Variants in MAF observed in about 807,000 individuals in gnomAD.
MAF encodes the protein transcription factor Maf.
In MAF, 10 loss-of-function variants were observed where a neutral mutation model predicts 22.0. The ratio of observed to expected loss-of-function variants is 0.45; its 90% CI spans 0.28 to 0.77. The LOEUF (loss-of-function observed/expected upper bound fraction) is 0.77. Ranked by LOEUF, MAF falls within the 30% of genes least tolerant of loss-of-function variation. The probability of loss-of-function intolerance (pLI) is 0.12; values close to 1 mark genes in which losing one functional copy is unlikely to be tolerated. For missense variants in MAF, 544 were observed against 548.4 expected, an observed-to-expected ratio of 0.99 and a Z score of 0.08; for synonymous variants, 337 against 255.8, an observed-to-expected ratio of 1.32 and a Z score of -3.03.
chr16:79,246,822 A>G, the MAF span, among the ~76,000 whole-genome samples: 1 of 148,724 alleles, frequency 6.7e-6, no homozygotes, highest in Admixed American at 6.8e-5. Context: ...GTTTGTGTCC[A>G]TCTGTCCATC....
At chr16:79,241,440 T>A in the MAF span, among the ~76,000 whole-genome samples, 2 of 151,960 alleles carry the variant, frequency 1.3e-5, no homozygotes, top group African/African-American at 4.8e-5. Context: ...AGAAAGGATA[T>A]CAGATACTGA....
the MAF span, among the ~76,000 whole-genome samples, chr16:79,220,879 C>G: frequency 9.9e-5 from 15 of 152,188 alleles, no homozygotes; most frequent in African/African-American, 3.1e-4. Flanking sequence ...CCCAGATGAC[C>G]TGCCTGTCTG....
the MAF span, among the ~76,000 whole-genome samples, chr16:79,295,287 G>C: frequency 1.3e-5 from 2 of 152,144 alleles, no homozygotes; most frequent in Non-Finnish European, 2.9e-5. Context: ...GAGTTTAATG[G>C]AGCAATGAAT....
chr16:79,293,852 AGAGAG>A, the MAF span, among the ~76,000 whole-genome samples: 9 of 151,864 alleles, frequency 5.9e-5, no homozygotes, highest in African/African-American at 2.2e-4. Flanking sequence ...AGAGAGAGAG[AGAGAG>A]AGAGAGAGAG....
At chr16:79,372,012 T>C in the MAF span, among the ~76,000 whole-genome samples, 2 of 151,842 alleles carry the variant, frequency 1.3e-5, no homozygotes, top group East Asian at 3.9e-4. Flanking sequence ...GTAAGCCATG[T>C]GGAATCACTG....
chr16:79,210,109 C>T, the MAF span, among the ~76,000 whole-genome samples: 1 of 152,176 alleles, frequency 6.6e-6, no homozygotes, highest in African/African-American at 2.4e-5. Flanking sequence ...ATTATCAAAA[C>T]CCAAGTCTTT....
chr16:79,375,202 G>C, the MAF span, among the ~76,000 whole-genome samples: 1 of 152,228 alleles, frequency 6.6e-6, no homozygotes, highest in African/African-American at 2.4e-5. Context: ...AGCAAGGGAG[G>C]TTTGATGCCT....
chr16:79,387,046 A>T, the MAF span, among the ~76,000 whole-genome samples: 1 of 152,196 alleles, frequency 6.6e-6, no homozygotes, highest in Non-Finnish European at 1.5e-5. Context: ...ATAACTGTCT[A>T]CTCAAAAAAG....
downstream of MAF, among the ~76,000 whole-genome samples, chr16:79,589,717 C>A (rs949641183): frequency 1.6e-4 from 25 of 152,154 alleles, no homozygotes; most frequent in African/African-American, 5.6e-4. Context: ...GTTTTGATAT[C>A]CCCCGGAGCT....
At chr16:79,206,367 G>T in the MAF span, 2 of 152,214 alleles carry the variant, frequency 1.3e-5, no homozygotes, top group South Asian at 2.1e-4. Context: ...AACGGACACG[G>T]AGTCTGAAGT....
the MAF span, among the ~76,000 whole-genome samples, chr16:79,431,955 C>T: frequency 1.3e-5 from 2 of 152,318 alleles, no homozygotes; most frequent in East Asian, 3.9e-4. Flanking sequence ...CCCATATCCA[C>T]TGGAATATAT....
At chr16:79,436,038 A>C in the MAF span, among the ~76,000 whole-genome samples, 1 of 152,206 alleles carries the variant, frequency 6.6e-6, no homozygotes, top group Non-Finnish European at 1.5e-5. Flanking sequence ...CTATGACTCA[A>C]TTTGTAAAAA....
At chr16:79,231,907 C>A in the MAF span, among the ~76,000 whole-genome samples, 1 of 151,932 alleles carries the variant, frequency 6.6e-6, no homozygotes, top group Non-Finnish European at 1.5e-5. Flanking sequence ...CTAGACGGTC[C>A]CATCTGTGGG....
intron 1 of MAF, among the ~76,000 whole-genome samples, chr16:79,587,470 G>A (rs968369364): frequency 5.3e-5 from 8 of 151,814 alleles, no homozygotes; most frequent in African/African-American, 1.7e-4. Flanking sequence ...TTTTAGAAAC[G>A]CCAGTGAATA....
the MAF span, among the ~76,000 whole-genome samples, chr16:79,258,563 C>A: frequency 6.6e-6 from 1 of 152,196 alleles, no homozygotes; most frequent in Non-Finnish European, 1.5e-5. Context: ...CTGAAGGTCT[C>A]TGATGGGCAT....
the MAF span, among the ~76,000 whole-genome samples, chr16:79,572,294 G>A: frequency 6.6e-6 from 1 of 152,122 alleles, no homozygotes; most frequent in African/African-American, 2.4e-5. Context: ...TTTTTGCCCT[G>A]CATCTGCGAT....
At chr16:79,333,519 G>T in the MAF span, among the ~76,000 whole-genome samples, 11 of 152,282 alleles carry the variant, frequency 7.2e-5, 1 homozygote, top group South Asian at 1.7e-3. Flanking sequence ...CAAGACCCCA[G>T]GAGGCATTTA....
the MAF span, among the ~76,000 whole-genome samples, chr16:79,413,201 A>C: frequency 1.7e-5 from 2 of 119,798 alleles, no homozygotes; most frequent in African/African-American, 6.5e-5. Flanking sequence ...GCTACTTGTG[A>C]GCTGTGCAGT....
At chr16:79,588,506 C>A (rs956039797) in intron 1 of MAF, among the ~76,000 whole-genome samples, 3 of 152,074 alleles carry the variant, frequency 2.0e-5, no homozygotes, top group Non-Finnish European at 4.4e-5. Context: ...GCAATCTGGG[C>A]TTACTGCAAC....
Sources: gnomAD v4.1 joint callset for allele counts (sites outside exome capture counted in the v4.1 genomes callset) on GRCh38, gnomAD v4.1.1 for gene constraint, MANE v1.5 for transcripts, NCBI Gene and HGNC (gene_info 2026-07-23, HGNC 2026-07-21) for gene names.